The following ABCB5 variants were observed in gnomAD, a reference collection of about 807,000 sequenced individuals.
ABCB5 encodes the protein ATP-binding cassette sub-family B member 5.
In ABCB5, 155 loss-of-function variants were observed where a neutral mutation model predicts 144.2. The observed-to-expected ratio is 1.08, with a 90% CI of 0.94 to 1.23. ABCB5 has a LOEUF of 1.23. Ranked by LOEUF, ABCB5 falls within the 50% of genes most tolerant of loss-of-function variation. ABCB5 has a pLI of 0.00. For synonymous variants in ABCB5, 610 were observed against 528.6 expected, an observed-to-expected ratio of 1.15 and a Z score of -2.11; for missense variants, 1,830 against 1,520.8, an observed-to-expected ratio of 1.20 and a Z score of -3.38.
chr7:20,636,713 A>T (rs1784164535), intron 5 of ABCB5, among the ~76,000 whole-genome samples: 1 of 144,102 alleles, frequency 6.9e-6, no homozygotes, highest in African/African-American at 2.5e-5. Context: ...TGAACCTGGG[A>T]GTTAGAGGTT....
chr7:20,617,618 G>C (rs1484249678), intron 1 of ABCB5, among the ~76,000 whole-genome samples: 2 of 152,090 alleles, frequency 1.3e-5, no homozygotes, highest in Non-Finnish European at 2.9e-5. Flanking sequence ...CGACAATCTT[G>C]TTAAAATGCA....
rs1016528540 is a variant in ABCB5 at position 20,615,786 on chromosome 7, G to A, written c.-73G>A. ...GAAGACTTCAGTCTTTTCTCTTAAG[G>A]ACTTCAACTGACTGGATGGGGCCCA... On this transcript the variant is annotated 5_prime_UTR_variant, in exon 1 of 28. Transcript: ENST00000404938. 3 of 152,210 alleles carry A rather than the reference G, an allele frequency of 2.0e-5. No individual in the cohort carries two copies. Among genetic ancestry groups the A allele is most frequent in the Non-Finnish European group, 2.9e-5 (2 of 68,040 alleles). The allele number at this position is 152,210 out of a possible 1,614,324, so 9.4% of individuals were successfully genotyped here.
intron 23 of ABCB5, 91 bp downstream of exon 23, chr7:20,728,546 G>C: frequency 7.0e-7 from 1 of 1,424,276 alleles, no homozygotes; most frequent in Non-Finnish European, 9.5e-7. Context: ...TTGAGGTCAG[G>C]AGTTTGAGAT....
intron 14 of ABCB5, among the ~76,000 whole-genome samples, chr7:20,669,196 C>T (rs1180916805): frequency 6.1e-5 from 9 of 146,700 alleles, no homozygotes; most frequent in Non-Finnish European, 1.2e-4. Context: ...AGGAGCCCCT[C>T]TGCCCGGCCA....
At chr7:20,671,748 T>C (rs1785464755) in intron 14 of ABCB5, among the ~76,000 whole-genome samples, 1 of 152,242 alleles carries the variant, frequency 6.6e-6, no homozygotes. Context: ...AGGTTTGTTT[T>C]CAGTTTTGGG....
At chr7:20,633,541 A>G (rs1018612012) in intron 5 of ABCB5, among the ~76,000 whole-genome samples, 1 of 152,174 alleles carries the variant, frequency 6.6e-6, no homozygotes, top group Non-Finnish European at 1.5e-5. Context: ...GCTGTAATAC[A>G]TATAACGTAT....
At chr7:20,635,091 A>G (rs1303874211) in intron 5 of ABCB5, among the ~76,000 whole-genome samples, 1 of 151,992 alleles carries the variant, frequency 6.6e-6, no homozygotes, top group Non-Finnish European at 1.5e-5. Context: ...ATGGTGAGAG[A>G]TAAGGGTCCA....
intron 15 of ABCB5, among the ~76,000 whole-genome samples, chr7:20,684,079 A>T (rs1013342998): frequency 1.1e-4 from 16 of 152,250 alleles, no homozygotes; most frequent in African/African-American, 3.6e-4. Context: ...AGTATTAAAC[A>T]GGCAAAATCA....
intron 27 of ABCB5, 146 bp from the exon 28 acceptor site, chr7:20,755,281 G>A: frequency 1.5e-6 from 1 of 657,780 alleles, no homozygotes; most frequent in Middle Eastern, 4.1e-4. Context: ...TATTGAGTAA[G>A]GTGATTATTT....
At chr7:20,692,129 C>A (rs977308002) in intron 16 of ABCB5, among the ~76,000 whole-genome samples, 2 of 152,052 alleles carry the variant, frequency 1.3e-5, no homozygotes, top group Non-Finnish European at 2.9e-5. Flanking sequence ...TCCACAGATT[C>A]AAGAAGCTCA....
intron 23 of ABCB5, among the ~76,000 whole-genome samples, chr7:20,735,835 T>C (rs1782364128): frequency 6.6e-6 from 1 of 152,182 alleles, no homozygotes; most frequent in African/African-American, 2.4e-5. Context: ...CTGGGCAAAT[T>C]GCATAATTTT....
chr7:20,651,657 A>G, intron 13 of ABCB5, 34 bp downstream of exon 13: 1 of 1,602,710 alleles, frequency 6.2e-7, no homozygotes, highest in Non-Finnish European at 8.5e-7. Flanking sequence ...TCCTTAGCTT[A>G]TGGTGGCAGC....
intron 26 of ABCB5, among the ~76,000 whole-genome samples, chr7:20,749,644 G>A (rs1562592971): frequency 6.6e-6 from 1 of 151,926 alleles, no homozygotes; most frequent in Non-Finnish European, 1.5e-5. Flanking sequence ...CCTACTTTTA[G>A]GAATATGAAG....
chr7:20,752,225 A>G (rs1040717240), intron 26 of ABCB5, among the ~76,000 whole-genome samples: 5 of 152,190 alleles, frequency 3.3e-5, no homozygotes, highest in African/African-American at 7.2e-5. Context: ...TGATCCATCT[A>G]CACATTCTTG....
chr7:20,664,254 C>T (rs1032048901), intron 14 of ABCB5, among the ~76,000 whole-genome samples: 2 of 151,984 alleles, frequency 1.3e-5, no homozygotes, highest in Non-Finnish European at 2.9e-5. Context: ...TTTGGAAAAC[C>T]ACACTCACAC....
intron 24 of ABCB5, among the ~76,000 whole-genome samples, chr7:20,741,370 C>A (rs536082960): frequency 6.6e-6 from 1 of 151,584 alleles, no homozygotes; most frequent in South Asian, 2.1e-4. Flanking sequence ...CATGTTTCTG[C>A]GGTATTCTGT....
chr7:20,750,783 T>C (rs917622699), intron 26 of ABCB5, among the ~76,000 whole-genome samples: 12 of 151,226 alleles, frequency 7.9e-5, no homozygotes, highest in Non-Finnish European at 1.3e-4. Context: ...GAGCAAGGAG[T>C]CAATTAGAAC....
chr7:20,738,740 A>C (rs1204029762), intron 23 of ABCB5, among the ~76,000 whole-genome samples: 2 of 152,196 alleles, frequency 1.3e-5, no homozygotes, highest in African/African-American at 4.8e-5. Flanking sequence ...CTGTGGCTCT[A>C]ATTGGAAGAG....
intron 14 of ABCB5, among the ~76,000 whole-genome samples, chr7:20,671,186 A>G (rs1034868211): frequency 7.9e-5 from 12 of 152,080 alleles, no homozygotes; most frequent in Admixed American, 6.6e-5. Flanking sequence ...GTTGTCCCCA[A>G]TCTACTTTGT....
Sources: allele counts gnomAD v4.1 joint callset (sites outside exome capture counted in the v4.1 genomes callset), GRCh38; gene constraint gnomAD v4.1.1; transcripts MANE v1.5; gene names NCBI Gene and HGNC (gene_info 2026-07-23, HGNC 2026-07-21).